FTO: variants seen among roughly 807,000 people sequenced by gnomAD.
FTO encodes the protein FTO alpha-ketoglutarate dependent dioxygenase.
Under a neutral mutation model 63.9 loss-of-function variants are expected in FTO, and 47 were observed. That is an observed-to-expected ratio of 0.74 (90% CI 0.58 to 0.94). FTO has a LOEUF of 0.94. Among genes scored for constraint, FTO ranks in the 40% least tolerant of loss-of-function variants. The pLI, the probability that FTO is intolerant of heterozygous loss-of-function variation, is 0.00. For synonymous variants in FTO, 207 were observed against 224.4 expected (o/e 0.92, Z 0.69); for missense variants, 562 against 618.1 (o/e 0.91, Z 0.96).
intron 8 of FTO, chr16:54,052,678 G>A (rs879900950): frequency 1.5e-4 from 23 of 152,164 alleles, no homozygotes; most frequent in Admixed American, 1.2e-3. Flanking sequence ...CGGATAATAA[G>A]AGGAAAGGGC....
At chr16:53,731,362 T>C in intron 1 of FTO, among the ~76,000 whole-genome samples, 1 of 152,336 alleles carries the variant, frequency 6.6e-6, no homozygotes, top group East Asian at 1.9e-4. Flanking sequence ...TCTGTTGATG[T>C]ATTTGTTTAT....
At chr16:53,961,853 G>A (rs186365822) in intron 8 of FTO, among the ~76,000 whole-genome samples, 3 of 152,154 alleles carry the variant, frequency 2.0e-5, no homozygotes, top group African/African-American at 7.2e-5. Context: ...CACAGTATAC[G>A]CTTAGGTAAG....
chr16:54,051,527 A>T (rs187097437), intron 8 of FTO, among the ~76,000 whole-genome samples: 5 of 152,246 alleles, frequency 3.3e-5, no homozygotes, highest in East Asian at 1.9e-4. Context: ...GGTGATAGGT[A>T]GTCTTCAAAT....
chr16:53,721,300 A>T (rs192574910), intron 1 of FTO, among the ~76,000 whole-genome samples: 38 of 152,326 alleles, frequency 2.5e-4, no homozygotes, highest in African/African-American at 8.9e-4. Context: ...GCGGCTAGAG[A>T]CATTATACTC....
chr16:53,884,006 C>A (rs1357954378), intron 6 of FTO, among the ~76,000 whole-genome samples: 1 of 152,212 alleles, frequency 6.6e-6, no homozygotes, highest in Non-Finnish European at 1.5e-5. Flanking sequence ...TTCTTGCTTG[C>A]CTCTTTCTGC....
chr16:53,976,264 A>G (rs1407399563), intron 8 of FTO, among the ~76,000 whole-genome samples: 1 of 152,026 alleles, frequency 6.6e-6, no homozygotes, highest in African/African-American at 2.4e-5. Context: ...TTTTGTTTTC[A>G]GTGTTTACCT....
At position 53,880,709 on chromosome 16, in the gene FTO, T is replaced by TA. The variant is rs2080799265; in HGVS notation, c.1119+725dup. ...CCTGTGGTCTCTTTTATAAGGCTACTAAAGTCTTTTATGAAAGCAGAGCTT... is the reference window on the plus strand; with the variant it reads ...CCTGTGGTCTCTTTTATAAGGCTACTAAAAGTCTTTTATGAAAGCAGAGCTT... On this transcript the variant is annotated intron_variant, in intron 6 of 8. Coordinates refer to ENST00000471389, the MANE Select transcript of FTO (RefSeq NM_001080432.3). Among the ~76,000 whole-genome samples, 3 of 152,162 alleles carry TA rather than the reference T, an allele frequency of 2.0e-5. No homozygotes were observed. In the South Asian group the frequency reaches 6.2e-4, roughly 32 times the overall value.
At chr16:53,943,826 G>A (rs1452743709) in intron 8 of FTO, among the ~76,000 whole-genome samples, 1 of 152,184 alleles carries the variant, frequency 6.6e-6, no homozygotes, top group Admixed American at 6.5e-5. Context: ...TTGGGAAGTA[G>A]CCGTGGGATG....
intron 6 of FTO, among the ~76,000 whole-genome samples, chr16:53,881,524 G>C (rs2080836163): frequency 6.6e-6 from 1 of 152,196 alleles, no homozygotes; most frequent in Non-Finnish European, 1.5e-5. Flanking sequence ...AGAGACTCAT[G>C]AAGAATAGTC....
At chr16:54,105,624 G>A (rs1249456093) in intron 8 of FTO, among the ~76,000 whole-genome samples, 1 of 152,146 alleles carries the variant, frequency 6.6e-6, no homozygotes, top group Non-Finnish European at 1.5e-5. Flanking sequence ...CATTATTCGG[G>A]ACATTTAAAC....
At chr16:54,072,842 C>G (rs2085901804) in intron 8 of FTO, among the ~76,000 whole-genome samples, 1 of 152,128 alleles carries the variant, frequency 6.6e-6, no homozygotes, top group African/African-American at 2.4e-5. Context: ...AAGGGCTGGC[C>G]CTTGTTTTTA....
In FTO at chr16:54,059,978, C is replaced by T. The variant is rs150844893; in HGVS notation, c.1365-51784C>T. 2.4e-4 allele frequency among the ~76,000 whole-genome samples: 37 copies of T among 152,180 alleles called. No individual in the cohort carries two copies. In the South Asian group the frequency reaches 4.8e-3, roughly 20 times the overall value. On this transcript the variant is annotated intron_variant, in intron 8 of 8. Transcript: ENST00000471389. ...GTGTTTTAAAAAAATACGTCCCTTC[C>T]ATTGCATTTTGACATTCTGTGTGCA...
chr16:53,883,364 G>A (rs2080892948), intron 6 of FTO, among the ~76,000 whole-genome samples: 1 of 152,156 alleles, frequency 6.6e-6, no homozygotes, highest in Admixed American at 6.5e-5. Flanking sequence ...GCTCACGCGT[G>A]TAATCCCAGC....
intron 1 of FTO, among the ~76,000 whole-genome samples, chr16:53,721,630 G>A (rs2076044303): frequency 6.6e-6 from 1 of 152,006 alleles, no homozygotes; most frequent in Non-Finnish European, 1.5e-5. Context: ...CATGTTCTTT[G>A]GGGAAATAAA....
chr16:53,752,676 C>T (rs1044253426), intron 1 of FTO, among the ~76,000 whole-genome samples: 1 of 152,186 alleles, frequency 6.6e-6, no homozygotes, highest in Admixed American at 6.5e-5. Context: ...CACCCTCCAA[C>T]CACTAATGAT....
At position 54,121,912 on chromosome 16, in the gene FTO, C is replaced by A. The variant is rs965430450; in HGVS notation, c.*9997C>A. ...AATATATACGCCTCCTATGTACCCA[C>A]AAAAATTAAAAATAAAAAAATTGAA... On this transcript the variant is annotated 3_prime_UTR_variant, in exon 9 of 9. Coordinates refer to ENST00000471389, the MANE Select transcript of FTO (RefSeq NM_001080432.3). The A allele has an allele frequency of 1.3e-5, 2 of 152,060 alleles. No individual in the cohort carries two copies. The highest frequency in any genetic ancestry group is 6.5e-5 in the Admixed American group (1 of 15,274). 9.4% of individuals were successfully genotyped at this position (152,060 alleles called of 1,614,324 possible).
chr16:53,716,799 AT>A (rs1237413302), intron 1 of FTO, among the ~76,000 whole-genome samples: 3 of 151,422 alleles, frequency 2.0e-5, no homozygotes, highest in African/African-American at 7.3e-5. Flanking sequence ...ATATGGAAAA[AT>A]ATGAGGCAGA....
chr16:53,773,486 G>A (rs754150109), intron 1 of FTO, among the ~76,000 whole-genome samples: 3 of 152,056 alleles, frequency 2.0e-5, no homozygotes, highest in Non-Finnish European at 2.9e-5. Context: ...GCTACTTAAC[G>A]CCCTGAAACA....
intron 1 of FTO, among the ~76,000 whole-genome samples, chr16:53,773,361 C>A (rs2077387094): frequency 6.6e-6 from 1 of 152,036 alleles, no homozygotes; most frequent in African/African-American, 2.4e-5. Flanking sequence ...CTCCACACAG[C>A]CACGCCATAG....
Sources: gnomAD v4.1 joint callset for allele counts (sites outside exome capture counted in the v4.1 genomes callset) on GRCh38, gnomAD v4.1.1 for gene constraint, MANE v1.5 for transcripts, NCBI Gene and HGNC (gene_info 2026-07-23, HGNC 2026-07-21) for gene names.